Variants in SYNE2 observed in about 807,000 individuals in gnomAD.
SYNE2 encodes nesprin-2.
A neutral mutation model predicts 856.3 loss-of-function variants in SYNE2; 431 were observed. The ratio of observed to expected loss-of-function variants is 0.50; its 90% CI spans 0.47 to 0.55. The LOEUF (loss-of-function observed/expected upper bound fraction) is 0.55, where lower values mean the gene tolerates loss of function less well. Ranked by LOEUF, SYNE2 falls within the 20% of genes least tolerant of loss-of-function variation. The probability of loss-of-function intolerance (pLI) is 0.00; values close to 1 mark genes in which losing one functional copy is unlikely to be tolerated. For synonymous variants in SYNE2, 2,923 were observed against 2,872.3 expected (o/e 1.02, Z -0.56); for missense variants, 8,129 against 8,023.2 (o/e 1.01, Z -0.50).
At chr14:63,771,027 G>A (rs1372458281) in intron 1 of SYNE2, among the ~76,000 whole-genome samples, 1 of 148,494 alleles carries the variant, frequency 6.7e-6, no homozygotes, top group Non-Finnish European at 1.5e-5. Context: ...AATTTTTGAT[G>A]TTGGTGAGGA....
intron 100 of SYNE2, among the ~76,000 whole-genome samples, chr14:64,205,246 G>GC (rs1257801587): frequency 6.6e-6 from 1 of 152,072 alleles, no homozygotes; most frequent in African/African-American, 2.4e-5. Flanking sequence ...TCATTATTCT[G>GC]CCTACCACAG....
chr14:64,120,776 CA>C, intron 67 of SYNE2, 150 bp from the exon 68 acceptor site: 2 of 786,856 alleles, frequency 2.5e-6, no homozygotes, highest in South Asian at 2.0e-5. Flanking sequence ...AAAACAAAAA[CA>C]AAAAATTATA....
intron 16 of SYNE2, among the ~76,000 whole-genome samples, chr14:63,982,056 A>G (rs2096589639): frequency 6.6e-6 from 1 of 152,230 alleles, no homozygotes; most frequent in Admixed American, 6.5e-5. Flanking sequence ...GAGCTACCAG[A>G]GAGAACTAAG....
At chr14:63,769,668 C>CAAAA (rs373323502) in intron 1 of SYNE2, among the ~76,000 whole-genome samples, 1 of 86,376 alleles carries the variant, frequency 1.2e-5, no homozygotes, top group Non-Finnish European at 2.0e-5. Context: ...GACTCCATCT[C>CAAAA]AAAAAAAAAA....
chr14:64,079,641 T>C (rs560625917), intron 55 of SYNE2, among the ~76,000 whole-genome samples: 1 of 152,360 alleles, frequency 6.6e-6, no homozygotes, highest in East Asian at 1.9e-4. Flanking sequence ...CAAAAGCAGT[T>C]GCTCCTAATA....
chr14:64,221,553 GCT>G, intron 111 of SYNE2, 21 bp from the exon 112 acceptor site: 2 of 1,614,162 alleles, frequency 1.2e-6, no homozygotes, highest in South Asian at 1.1e-5. Flanking sequence ...ACACGGCCGC[GCT>G]CTGATGTGTT....
At chr14:64,215,233 G>A in intron 106 of SYNE2, 53 bp from the exon 107 acceptor site, 1 of 1,450,512 alleles carries the variant, frequency 6.9e-7, no homozygotes, top group Non-Finnish European at 9.7e-7. Context: ...TTAATACTTG[G>A]GCATTAATCT....
intron 45 of SYNE2, among the ~76,000 whole-genome samples, chr14:64,032,225 C>A (rs971076107): frequency 2.0e-5 from 3 of 152,184 alleles, no homozygotes; most frequent in African/African-American, 7.2e-5. Context: ...GCCTATGGAG[C>A]ATCTCTCTGT....
intron 2 of SYNE2, among the ~76,000 whole-genome samples, chr14:63,922,286 C>G (rs1353611585): frequency 6.6e-6 from 1 of 152,208 alleles, no homozygotes; most frequent in Non-Finnish European, 1.5e-5. Context: ...ATTACAGGCA[C>G]AAGCCCCCAG....
chr14:63,899,811 C>T (rs977541102), intron 1 of SYNE2, among the ~76,000 whole-genome samples: 7 of 152,158 alleles, frequency 4.6e-5, no homozygotes, highest in Admixed American at 4.6e-4. Flanking sequence ...TGTTTTCACT[C>T]TTTGTTCTAG....
At chr14:64,080,403 C>G in intron 55 of SYNE2, 53 bp from the exon 56 acceptor site, 1 of 1,575,704 alleles carries the variant, frequency 6.3e-7, no homozygotes, top group Non-Finnish European at 8.7e-7. Flanking sequence ...CAGGCATTGC[C>G]TCCATAAACT....
chr14:64,003,833 A>C (rs543387012), intron 30 of SYNE2, among the ~76,000 whole-genome samples: 1 of 152,282 alleles, frequency 6.6e-6, no homozygotes, highest in East Asian at 1.9e-4. Flanking sequence ...AGGCAATCTA[A>C]AGTTAGTGTT....
intron 77 of SYNE2, 142 bp downstream of exon 77, chr14:64,132,580 T>C (rs1595737247): frequency 1.6e-5 from 19 of 1,170,978 alleles, no homozygotes; most frequent in Non-Finnish European, 2.2e-5. Context: ...GGACCCCTGC[T>C]CAGGTTCTGA....
rs762996751 is a variant in SYNE2, at chr14:64,031,146, G to A, written c.7010G>A (p.Cys2337Tyr). The A allele has an allele frequency of 7.8e-5, 126 of 1,614,054 alleles. 2 individuals carry two copies. The South Asian group carries it at 1.3e-3, about 17-fold the overall frequency. ...IIKDDIKSLQ[C>Y]KQKDLENRLA... is the part of the protein sequence containing the mutation. ...AAAGATGATATAAAATCACTTCAGT[G>A]TAAACAAAAAGATTTGGAAAACAGG... Residue 2337 changes from cysteine to tyrosine, a missense_variant, in exon 45 of 116, where the codon TGT becomes TAT. Transcript: ENST00000555002.
At chr14:63,858,054 C>T (rs2140101732) in intron 1 of SYNE2, among the ~76,000 whole-genome samples, 1 of 152,094 alleles carries the variant, frequency 6.6e-6, no homozygotes, top group South Asian at 2.1e-4. Context: ...CATTACATGA[C>T]AGAAGGGCAA....
intron 60 of SYNE2, among the ~76,000 whole-genome samples, chr14:64,092,011 C>G (rs568346830): frequency 3.3e-5 from 5 of 152,234 alleles, no homozygotes; most frequent in African/African-American, 1.2e-4. Context: ...CTCAGTTTCT[C>G]TGGTCTGGCT....
At chr14:64,148,819 TGTC>T (rs1478302562) in intron 84 of SYNE2, among the ~76,000 whole-genome samples, 1 of 152,158 alleles carries the variant, frequency 6.6e-6, no homozygotes, top group Non-Finnish European at 1.5e-5. Flanking sequence ...TCCACGGGTC[TGTC>T]GTCTACCAGA....
intron 48 of SYNE2, among the ~76,000 whole-genome samples, chr14:64,055,619 G>A (rs897241541): frequency 2.0e-5 from 3 of 151,888 alleles, no homozygotes; most frequent in African/African-American, 4.8e-5. Context: ...CACCCACCTC[G>A]GCCTCCCAAA....
Position 64,174,992 on chromosome 14 carries a change from T to C in SYNE2, c.17284T>C (p.Leu5762=). 6.2e-7 allele frequency: 1 copy of C among 1,614,122 alleles called. No individual in the cohort carries two copies. Among genetic ancestry groups the C allele is most frequent in the Non-Finnish European group, 8.5e-7 (1 of 1,180,022 alleles). ...QRRRTTCALT[L]EAGEKLLLTT... is the part of the protein sequence containing the mutation. The stretch of plus-strand genomic sequence containing the variant: ...GAGGCGAACTACCTGTGCCCTAACC[T>C]TGGAAGCTGGAGAAAAGTTACTGCT... The change falls in exon 95 of 116, where the codon TTG becomes CTG. Residue 5762 remains leucine (L), a synonymous_variant. Coordinates refer to ENST00000555002, the MANE Select transcript of SYNE2 (RefSeq NM_182914.3).
Sources: gnomAD v4.1 joint callset for allele counts (sites outside exome capture counted in the v4.1 genomes callset) on GRCh38, gnomAD v4.1.1 for gene constraint, MANE v1.5 for transcripts, NCBI Gene and HGNC (gene_info 2026-07-23, HGNC 2026-07-21) for gene names.